The following SQSTM1 variants were observed in gnomAD, a reference collection of about 807,000 sequenced individuals.
The protein encoded by SQSTM1 is sequestosome-1.
Under a neutral mutation model 45.1 loss-of-function variants are expected in SQSTM1, and 36 were observed. The ratio of observed to expected loss-of-function variants is 0.80; its 90% confidence interval spans 0.61 to 1.05. The LOEUF is 1.05. SQSTM1 is among the 50% of genes least tolerant of loss of function. The probability of loss-of-function intolerance (pLI) is 0.00; values close to 1 mark genes in which losing one functional copy is unlikely to be tolerated. For synonymous variants in SQSTM1, 290 were observed against 244.3 expected (o/e 1.19, Z -1.74); for missense variants, 617 against 607.1 (o/e 1.02, Z -0.17).
upstream of SQSTM1, among the ~76,000 whole-genome samples, chr5:179,818,582 C>T (rs1757653241): frequency 6.6e-6 from 1 of 152,178 alleles, no homozygotes; most frequent in Non-Finnish European, 1.5e-5. Context: ...GCTGCCCCGG[C>T]TGGTCTCCTG....
At chr5:179,832,957 C>T (rs974598927) in intron 5 of SQSTM1, 75 bp from the exon 6 acceptor site, 184 of 1,487,734 alleles carry the variant, frequency 1.2e-4, no homozygotes, top group Admixed American at 4.5e-4. Flanking sequence ...CTGTAGTCTC[C>T]ACAGGCCAAG....
intron 1 of SQSTM1, 38 bp from the exon 2 acceptor site, chr5:179,822,920 C>A: frequency 6.3e-7 from 1 of 1,587,054 alleles, no homozygotes; most frequent in Non-Finnish European, 8.7e-7. Flanking sequence ...CAGCTGAGAA[C>A]CCCTGGGTGC....
intron 7 of SQSTM1, among the ~76,000 whole-genome samples, chr5:179,834,280 T>C (rs1354103135): frequency 6.7e-6 from 1 of 148,894 alleles, no homozygotes; most frequent in Non-Finnish European, 1.5e-5. Context: ...CTCCTCATTG[T>C]CACATGGCAG....
At position 179,837,458 on chromosome 5, in the gene SQSTM1, T is replaced by C; in HGVS notation, c.*865T>C. ...ACATAGTCGTGTGGGTCGAGGATTC[T>C]GTGCCTCCAGGACCAGGGGCCCACC... On this transcript the variant is annotated 3_prime_UTR_variant, in exon 8 of 8. Transcript: ENST00000389805. The C allele has an allele frequency of 6.2e-7, 1 of 1,612,858 alleles. No individual in the cohort carries two copies. The highest frequency in any genetic ancestry group is 8.5e-7 in the Non-Finnish European group (1 of 1,179,212).
At chr5:179,835,913 T>C in intron 7 of SQSTM1, 2 of 215,540 alleles carry the variant, frequency 9.3e-6, no homozygotes, top group Non-Finnish European at 1.9e-5. Context: ...ACTCATTGCT[T>C]GATGGGCAGT....
At chr5:179,825,247 A>G (rs1757945481) in intron 5 of SQSTM1, 21 bp downstream of exon 5, 2 of 1,602,688 alleles carry the variant, frequency 1.2e-6, no homozygotes, top group African/African-American at 1.3e-5. Flanking sequence ...CTCCTTGCCC[A>G]GTGCTTCCCT....
At chr5:179,830,135 A>C (rs5873666) in intron 5 of SQSTM1, among the ~76,000 whole-genome samples, 20,904 of 151,246 alleles carry the variant, frequency 0.14, 2,779 homozygotes, top group African/African-American at 0.35. Context: ...AACAAAACAA[A>C]AAACAAAAAT....
chr5:179,814,874 A>T (rs985068114), upstream of SQSTM1, among the ~76,000 whole-genome samples: 3 of 152,096 alleles, frequency 2.0e-5, no homozygotes, highest in Admixed American at 6.6e-5. Flanking sequence ...GTGATCCATG[A>T]TCATACCACG....
chr5:179,808,289 G>C (rs1757273044), intron 1 of SQSTM1: 1 of 152,312 alleles, frequency 6.6e-6, no homozygotes, highest in Admixed American at 6.5e-5. Context: ...GGGGGTGGCC[G>C]AGCCAGAGGT....
chr5:179,836,663 C>G lies in SQSTM1; in HGVS notation c.*70C>G. The stretch of plus-strand genomic sequence containing the variant: ...GTTGTGTTAAGCTTGCGTAGAATTG[C>G]AGGTCTCTGTACGGGCCAGTTTCTC... On this transcript the variant is annotated 3_prime_UTR_variant, in exon 8 of 8. Coordinates refer to ENST00000389805, the MANE Select transcript of SQSTM1 (RefSeq NM_003900.5). The G allele has an allele frequency of 6.2e-7, 1 of 1,608,928 alleles. No homozygotes were observed. The highest frequency in any genetic ancestry group is 8.5e-7 in the Non-Finnish European group (1 of 1,175,452).
chr5:179,825,802 G>A (rs1339052048), intron 5 of SQSTM1, among the ~76,000 whole-genome samples: 1 of 152,096 alleles, frequency 6.6e-6, no homozygotes, highest in Non-Finnish European at 1.5e-5. Flanking sequence ...CCCCAGGCAT[G>A]AGCTCAGGCT....
chr5:179,826,531 C>T lies in SQSTM1; in HGVS notation c.754+1305C>T, dbSNP rs1582011671. Among the ~76,000 whole-genome samples, 3 of 152,082 alleles carry T rather than the reference C, an allele frequency of 2.0e-5. No individual in the cohort carries two copies. In the East Asian group the frequency reaches 5.8e-4, roughly 29 times the overall value. On this transcript the variant is annotated intron_variant, in intron 5 of 7. Coordinates refer to ENST00000389805, the MANE Select transcript of SQSTM1 (RefSeq NM_003900.5). ...TTGCTTCTGAACTAAACAGCCCAAA[C>T]ACGCATGGCTTCTGTACTAGAGTTT...
chr5:179,832,281 ACT>A (rs1290034770), intron 5 of SQSTM1, among the ~76,000 whole-genome samples: 7 of 152,108 alleles, frequency 4.6e-5, no homozygotes, highest in African/African-American at 7.2e-5. Flanking sequence ...GCAACTGGTG[ACT>A]CTAAGCTGTG....
upstream of SQSTM1, among the ~76,000 whole-genome samples, chr5:179,818,286 C>G (rs1161926985): frequency 2.6e-5 from 4 of 152,090 alleles, no homozygotes; most frequent in Non-Finnish European, 5.9e-5. Context: ...CCTGGAGGCC[C>G]CCGCACAGAC....
At chr5:179,819,467 C>A (rs899680493), upstream of SQSTM1, among the ~76,000 whole-genome samples, 1 of 152,220 alleles carries the variant, frequency 6.6e-6, no homozygotes, top group Non-Finnish European at 1.5e-5. Flanking sequence ...AAGCTATGTT[C>A]CCAGAGCCAC....
At chr5:179,832,099 A>AAAAG (rs1157335074) in intron 5 of SQSTM1, among the ~76,000 whole-genome samples, 8 of 152,142 alleles carry the variant, frequency 5.3e-5, no homozygotes, top group Non-Finnish European at 1.2e-4. Flanking sequence ...ATGTTCTTTT[A>AAAAG]ACAAAAAATT....
At chr5:179,817,102 G>C (rs1757604241), upstream of SQSTM1, among the ~76,000 whole-genome samples, 1 of 147,586 alleles carries the variant, frequency 6.8e-6, no homozygotes, top group African/African-American at 2.5e-5. Context: ...CGGGGGCCGG[G>C]ACACGCCTGG....
chr5:179,835,736 A>G (rs1283873620), intron 7 of SQSTM1: 2 of 158,284 alleles, frequency 1.3e-5, no homozygotes, highest in Admixed American at 1.2e-4. Flanking sequence ...ATAGCTTAGC[A>G]TCTACTCATA....
chr5:179,807,986 C>T (rs1472540629), intron 1 of SQSTM1: 2 of 152,294 alleles, frequency 1.3e-5, no homozygotes, highest in African/African-American at 2.4e-5. Flanking sequence ...CCTCAATCCT[C>T]TGTGGAACCA....
Sources: gnomAD v4.1 joint callset for allele counts (sites outside exome capture counted in the v4.1 genomes callset) on GRCh38, gnomAD v4.1.1 for gene constraint, MANE v1.5 for transcripts, NCBI Gene and HGNC (gene_info 2026-07-23, HGNC 2026-07-21) for gene names.